CDC23: variants seen among roughly 807,000 people sequenced by gnomAD.
The protein encoded by CDC23 is cell division cycle 23.
In CDC23, 26 loss-of-function variants were observed where a neutral mutation model predicts 81.7. That is an observed-to-expected ratio of 0.32 (90% CI 0.23 to 0.44). The LOEUF is 0.44. Ranked by LOEUF, CDC23 falls within the 20% of genes least tolerant of loss-of-function variation. The probability of loss-of-function intolerance (pLI) is 1.00; values close to 1 mark genes in which losing one functional copy is unlikely to be tolerated. For synonymous variants in CDC23, 267 were observed against 270.8 expected (o/e 0.99, Z 0.14); for missense variants, 519 against 728.0 (o/e 0.71, Z 3.30).
intron 13 of CDC23, among the ~76,000 whole-genome samples, chr5:138,191,036 A>G (rs1183750675): frequency 6.6e-6 from 1 of 152,242 alleles, no homozygotes; most frequent in Non-Finnish European, 1.5e-5. Flanking sequence ...CAAAAATGTT[A>G]TCCTTTCTTC....
At chr5:138,199,120 G>C (rs1416591665) in intron 6 of CDC23, among the ~76,000 whole-genome samples, 4 of 152,192 alleles carry the variant, frequency 2.6e-5, no homozygotes, top group Admixed American at 1.3e-4. Flanking sequence ...CATGATGATT[G>C]TGAGTGAGTA....
At chr5:138,199,992 C>A (rs563939941) in intron 6 of CDC23, among the ~76,000 whole-genome samples, 1 of 152,298 alleles carries the variant, frequency 6.6e-6, no homozygotes, top group Non-Finnish European at 1.5e-5. Flanking sequence ...ACACTATAGA[C>A]AATATCCTCT....
chr5:138,189,299 C>T, intron 15 of CDC23, 151 bp from the exon 16 acceptor site: 1 of 704,734 alleles, frequency 1.4e-6, no homozygotes, highest in Non-Finnish European at 2.4e-6. Context: ...CTGTGTCACC[C>T]AGGCTACAGT....
At chr5:138,206,462 G>C (rs764738457) in intron 3 of CDC23, 85 bp downstream of exon 3, 2 of 1,383,680 alleles carry the variant, frequency 1.4e-6, no homozygotes, top group African/African-American at 1.4e-5. Flanking sequence ...CCACTGCTAA[G>C]CTATTTAAAA....
intron 2 of CDC23, among the ~76,000 whole-genome samples, chr5:138,208,113 C>T (rs1755073324): frequency 6.6e-6 from 1 of 152,012 alleles, no homozygotes; most frequent in Non-Finnish European, 1.5e-5. Flanking sequence ...AGGTGCCCGC[C>T]ACCATGCCTG....
chr5:138,189,519 A>G, intron 15 of CDC23, 114 bp downstream of exon 15: 1 of 1,013,244 alleles, frequency 9.9e-7, no homozygotes, highest in South Asian at 1.6e-5. Context: ...TCAGCCTCCC[A>G]AAGTGTTGGG....
Position 138,213,022 on chromosome 5 carries a change from G to T in CDC23, c.203C>A (p.Ala68Asp), listed in dbSNP as rs920308526. 6 of 1,613,710 alleles carry T rather than the reference G, an allele frequency of 3.7e-6. No homozygotes were observed. The highest frequency in any genetic ancestry group is 1.3e-5 in the African/African-American group (1 of 74,860). The change falls in exon 2 of 16, where the codon GCC becomes GAC. Residue 68 changes from alanine to aspartate, a missense_variant. Coordinates refer to ENST00000394886, the MANE Select transcript of CDC23 (RefSeq NM_004661.4). ...LAFSLPALPLAELQPPPPITE... is the reference protein window; with the variant it reads ...LAFSLPALPLDELQPPPPITE... ...AATAGGCGGAGGCGGTTGCAGCTCGGCCAGAGGCAATGCAGGGAGAGAGAA... is the reference window on the plus strand; with the variant it reads ...AATAGGCGGAGGCGGTTGCAGCTCGTCCAGAGGCAATGCAGGGAGAGAGAA...
chr5:138,204,934 T>G (rs1755031798), intron 3 of CDC23, among the ~76,000 whole-genome samples: 2 of 148,014 alleles, frequency 1.4e-5, no homozygotes, highest in Admixed American at 1.3e-4. Context: ...TTTTTTTTGG[T>G]GACAGGGTCT....
chr5:138,197,896 T>C (rs10064166), intron 9 of CDC23, among the ~76,000 whole-genome samples: 1 of 152,236 alleles, frequency 6.6e-6, no homozygotes, highest in Non-Finnish European at 1.5e-5. Context: ...TCACATTCTA[T>C]GGTATGTATT....
chr5:138,206,779 A>G (rs1429792697), intron 2 of CDC23, 95 bp from the exon 3 acceptor site: 1 of 1,221,822 alleles, frequency 8.2e-7, no homozygotes, highest in Non-Finnish European at 1.1e-6. Context: ...ATGTAAAAGA[A>G]AAAGGATTGT....
rs1381739226 is a variant in CDC23 at position 138,198,763 on chromosome 5, G to C, written c.674C>G (p.Pro225Arg). 6.2e-7 allele frequency: 1 copy of C among 1,613,794 alleles called. No homozygotes were observed. The highest frequency in any genetic ancestry group is 8.5e-7 in the Non-Finnish European group (1 of 1,179,930). Residue 225 changes from proline (P) to arginine (R), a missense_variant, in exon 7 of 16, where the codon CCA (proline) becomes CGA (arginine). Around this residue, in one of 4 missense-constraint regions of CDC23, gnomAD observed 180 missense variants for 239.3 expected, o/e 0.75. Transcript: ENST00000394886. ...DKEMLKFLSL[P>R]DTWMKEFFLA... ...AAAAAACTCTTTCATCCAGGTGTCT[G>C]GCAAAGACAGGAACTTCAGCTGGCA...
rs2126579643 is a variant in CDC23 at position 138,192,560 on chromosome 5, T to C, written c.1110A>G (p.Leu370=). 6.2e-7 allele frequency: 1 copy of C among 1,614,126 alleles called. No homozygotes were observed. Among genetic ancestry groups the C allele is most frequent in the Non-Finnish European group, 8.5e-7 (1 of 1,179,972 alleles). The change falls in exon 10 of 16, where the codon CTA becomes CTG. Residue 370 remains leucine (L), a synonymous_variant. Coordinates refer to ENST00000394886, the MANE Select transcript of CDC23 (RefSeq NM_004661.4). ...TCATCTCCATGTACTCATGTCCCAT[T>C]AGTGTCCAGGCACCAAGATACCGAG... is the stretch of plus-strand genomic sequence containing the variant. The part of the protein sequence containing the change: ...LNPRYLGAWT[L]MGHEYMEMKN...
At chr5:138,211,983 A>G (rs982933297) in intron 2 of CDC23, among the ~76,000 whole-genome samples, 7 of 152,212 alleles carry the variant, frequency 4.6e-5, no homozygotes, top group Admixed American at 4.6e-4. Context: ...ATCTTCTTGA[A>G]AATGCAGCAA....
At chr5:138,208,874 A>C (rs1401175482) in intron 2 of CDC23, among the ~76,000 whole-genome samples, 2 of 152,186 alleles carry the variant, frequency 1.3e-5, no homozygotes, top group East Asian at 3.9e-4. Flanking sequence ...CTCCAACCTC[A>C]GCCTCCTGGG....
intron 3 of CDC23, among the ~76,000 whole-genome samples, chr5:138,202,937 A>T (rs1755005311): frequency 6.6e-6 from 1 of 152,236 alleles, no homozygotes; most frequent in Non-Finnish European, 1.5e-5. Context: ...ATCCGCACAG[A>T]CTGTTGATGA....
In CDC23 at chr5:138,192,544, T is replaced by C. The variant is rs776241648; in HGVS notation, c.1126A>G (p.Met376Val). Reference sequence around the variant, plus strand: ...GCAGCAGACGTGTTCTTCATCTCCATGTACTCATGTCCCATTAGTGTCCAG... The same window carrying C: ...GCAGCAGACGTGTTCTTCATCTCCACGTACTCATGTCCCATTAGTGTCCAG... ...GAWTLMGHEY[M>V]EMKNTSAAIQ... The change falls in exon 10 of 16, where the codon ATG becomes GTG. Residue 376 changes from methionine to valine, a missense_variant. By Grantham distance (21) the Met-to-Val change is conservative (BLOSUM62 1). Transcript: ENST00000394886. The C allele has an allele frequency of 1.2e-6, 2 of 1,614,184 alleles. No individual in the cohort carries two copies. The highest frequency in any genetic ancestry group is 1.7e-6 in the Non-Finnish European group (2 of 1,180,028).
intron 9 of CDC23, among the ~76,000 whole-genome samples, chr5:138,195,892 C>T (rs1034481930): frequency 6.9e-6 from 1 of 145,286 alleles, no homozygotes; most frequent in African/African-American, 2.6e-5. Flanking sequence ...CTGACAGGTA[C>T]AGAAGGGAGC....
intron 9 of CDC23, among the ~76,000 whole-genome samples, chr5:138,197,784 C>T (rs548981521): frequency 2.0e-5 from 3 of 152,184 alleles, no homozygotes; most frequent in East Asian, 1.9e-4. Context: ...CATGAGCCAC[C>T]GCGCCCAGCC....
At chr5:138,210,722 A>G (rs1436450928) in intron 2 of CDC23, among the ~76,000 whole-genome samples, 4 of 152,216 alleles carry the variant, frequency 2.6e-5, no homozygotes. Flanking sequence ...AAGCTATTCA[A>G]CAAACCAATA....
Sources: allele counts gnomAD v4.1 joint callset (sites outside exome capture counted in the v4.1 genomes callset), GRCh38; gene constraint gnomAD v4.1.1; regional missense constraint gnomAD v4.1.1; transcripts MANE v1.5; gene names NCBI Gene and HGNC (gene_info 2026-07-23, HGNC 2026-07-21).